Variants in SERGEF observed in about 807,000 individuals in gnomAD.
SERGEF encodes the protein secretion-regulating guanine nucleotide exchange factor.
In SERGEF, 51 loss-of-function variants were observed where a neutral mutation model predicts 50.0. The observed-to-expected ratio is 1.02, with a 90% confidence interval of 0.81 to 1.29. The LOEUF is 1.29. Among genes scored for constraint, SERGEF ranks in the 50% most tolerant of loss-of-function variants. SERGEF has a pLI of 0.00. For synonymous variants in SERGEF, 205 were observed against 212.4 expected (o/e 0.97, Z 0.30); for missense variants, 521 against 557.0 (o/e 0.94, Z 0.65).
At chr11:17,792,350 C>T (rs1156426356) in intron 10 of SERGEF, among the ~76,000 whole-genome samples, 3 of 152,200 alleles carry the variant, frequency 2.0e-5, no homozygotes, top group African/African-American at 4.8e-5. Context: ...GGTACCTTTG[C>T]GCCTAGTTCG....
chr11:17,997,948 G>A (rs373273790), intron 5 of SERGEF, among the ~76,000 whole-genome samples: 4 of 152,172 alleles, frequency 2.6e-5, no homozygotes, highest in African/African-American at 9.6e-5. Context: ...TTCTGGAGAT[G>A]GATGGTGGTG....
At chr11:17,906,606 T>C (rs1851845948) in intron 9 of SERGEF, among the ~76,000 whole-genome samples, 1 of 152,190 alleles carries the variant, frequency 6.6e-6, no homozygotes, top group Admixed American at 6.5e-5. Context: ...CTGCAGCCTC[T>C]GCAGGTACAG....
chr11:17,824,083 C>T (rs1432000461), intron 10 of SERGEF, among the ~76,000 whole-genome samples: 2 of 152,128 alleles, frequency 1.3e-5, no homozygotes, highest in Non-Finnish European at 2.9e-5. Context: ...GGGCGGATCA[C>T]GACATCAGGA....
intron 9 of SERGEF, among the ~76,000 whole-genome samples, chr11:17,901,263 T>C (rs1590186669): frequency 6.6e-6 from 1 of 152,312 alleles, no homozygotes; most frequent in East Asian, 1.9e-4. Context: ...TACTGGACAA[T>C]GGCAATAGTT....
chr11:17,811,390 T>C (rs1177657888), intron 10 of SERGEF, among the ~76,000 whole-genome samples: 1 of 152,184 alleles, frequency 6.6e-6, no homozygotes, highest in Non-Finnish European at 1.5e-5. Context: ...TTGTCAAAAC[T>C]CAATTGCTGA....
rs374953225 is a variant in SERGEF, at chr11:17,819,498, C to T, written c.1049-31085G>A. 5.9e-5 allele frequency among the ~76,000 whole-genome samples: 9 copies of T among 152,308 alleles called. No individual in the cohort carries two copies. In the East Asian group the frequency reaches 1.7e-3, roughly 29 times the overall value. ...TATTCTTCAGATAACAAAACAGAGGCTTGGAAAGCTAAAGTGCCTCATCTG... is the reference window on the plus strand; with the variant it reads ...TATTCTTCAGATAACAAAACAGAGGTTTGGAAAGCTAAAGTGCCTCATCTG... On this transcript the variant is annotated intron_variant, in intron 10 of 10. Coordinates refer to ENST00000265965, the MANE Select transcript of SERGEF (RefSeq NM_012139.4).
intron 10 of SERGEF, among the ~76,000 whole-genome samples, chr11:17,866,328 T>C (rs1427123522): frequency 6.6e-6 from 1 of 152,202 alleles, no homozygotes; most frequent in Non-Finnish European, 1.5e-5. Context: ...TGATCAGCCA[T>C]TGTGTTACAA....
Position 17,912,892 on chromosome 11 carries a change from T to C in SERGEF, c.1012-34648A>G, listed in dbSNP as rs116656746. On this transcript the variant is annotated intron_variant, in intron 9 of 10. Transcript: ENST00000265965. ...CTACTTTACCCTATCCTAGCCCCAGTTTTCTCATTAGTAAAATGGAGCAAT... is the reference window on the plus strand; with the variant it reads ...CTACTTTACCCTATCCTAGCCCCAGCTTTCTCATTAGTAAAATGGAGCAAT... 1.6e-3 allele frequency among the ~76,000 whole-genome samples: 246 copies of C among 152,320 alleles called. 1 individual carries two copies. The highest frequency in any genetic ancestry group is 5.8e-3 in the African/African-American group (240 of 41,578).
At chr11:17,868,771 C>T (rs951359547) in intron 10 of SERGEF, among the ~76,000 whole-genome samples, 2 of 152,168 alleles carry the variant, frequency 1.3e-5, no homozygotes, top group Non-Finnish European at 2.9e-5. Flanking sequence ...AGGAGAAAGT[C>T]ACATCTTACA....
At chr11:17,857,962 A>G (rs1339516362) in intron 10 of SERGEF, among the ~76,000 whole-genome samples, 1 of 152,234 alleles carries the variant, frequency 6.6e-6, no homozygotes, top group Non-Finnish European at 1.5e-5. Flanking sequence ...AGTTCAACAC[A>G]TTTCAGATGA....
At chr11:17,864,773 T>G (rs777836439) in intron 10 of SERGEF, among the ~76,000 whole-genome samples, 1 of 152,186 alleles carries the variant, frequency 6.6e-6, no homozygotes, top group Non-Finnish European at 1.5e-5. Flanking sequence ...GAAAGCCCCT[T>G]GAGAACCAGG....
chr11:17,898,650 C>A (rs776299606), intron 9 of SERGEF, among the ~76,000 whole-genome samples: 10 of 152,162 alleles, frequency 6.6e-5, no homozygotes, highest in Non-Finnish European at 1.5e-4. Context: ...TCCCCCAGAC[C>A]TCCTTTATAT....
At chr11:17,863,963 T>A (rs1565188941) in intron 10 of SERGEF, among the ~76,000 whole-genome samples, 1 of 152,234 alleles carries the variant, frequency 6.6e-6, no homozygotes, top group Non-Finnish European at 1.5e-5. Flanking sequence ...AATTGTCTAG[T>A]CCAGCTCCCA....
At chr11:17,868,875 A>T (rs1190014880) in intron 10 of SERGEF, among the ~76,000 whole-genome samples, 1 of 152,194 alleles carries the variant, frequency 6.6e-6, no homozygotes, top group African/African-American at 2.4e-5. Flanking sequence ...TCATGAGAAC[A>T]GCATGAGAAA....
At chr11:17,930,792 C>T (rs1327273503) in intron 9 of SERGEF, among the ~76,000 whole-genome samples, 1 of 152,110 alleles carries the variant, frequency 6.6e-6, no homozygotes, top group Non-Finnish European at 1.5e-5. Flanking sequence ...TCTCATTTCA[C>T]CATCTGTAAA....
chr11:17,995,804 C>G lies in SERGEF; in HGVS notation c.614G>C (p.Arg205Thr). The change falls in exon 6 of 11, where the codon AGA becomes ACA. Residue 205 changes from arginine to threonine, a missense_variant. Arg to Thr is a moderately conservative substitution (Grantham distance 71, BLOSUM62 -1). Coordinates refer to ENST00000265965, the MANE Select transcript of SERGEF (RefSeq NM_012139.4). ...PLFFTAKEPS[R>T]VTGLENSKAM... is the part of the protein sequence containing the mutation. ...AGAAAGAAGCATCTTACCTGTCACTCTGCTTGGTTCCTTTGCTGTGAAAAA... is the reference window on the plus strand; with the variant it reads ...AGAAAGAAGCATCTTACCTGTCACTGTGCTTGGTTCCTTTGCTGTGAAAAA... 3 of 1,610,812 alleles carry G rather than the reference C, an allele frequency of 1.9e-6. No individual in the cohort carries two copies. The highest frequency in any genetic ancestry group is 1.1e-5 in the South Asian group (1 of 90,934).
rs937352503 is a variant in SERGEF, at chr11:17,888,049, T to C, written c.1012-9805A>G. ...GATTCTCATATGAGCACAAACCCTA[T>C]TGTGAACTCCGCGTGGGAGGGATCT... On this transcript the variant is annotated intron_variant, in intron 9 of 10. Transcript: ENST00000265965. The surrounding 1 kb of genome is among the most constrained non-coding windows in gnomAD (Gnocchi z 4.1). Among the ~76,000 whole-genome samples, 4 of 152,246 alleles carry C rather than the reference T, an allele frequency of 2.6e-5. No individual in the cohort carries two copies. Among genetic ancestry groups the C allele is most frequent in the African/African-American group, 4.8e-5 (2 of 41,556 alleles).
intron 10 of SERGEF, among the ~76,000 whole-genome samples, chr11:17,790,182 T>C (rs1849457771): frequency 6.6e-6 from 1 of 152,198 alleles, no homozygotes; most frequent in Non-Finnish European, 1.5e-5. Context: ...CCCATTCTTG[T>C]CCCTCTATCC....
At chr11:17,838,003 T>C (rs1312475463) in intron 10 of SERGEF, among the ~76,000 whole-genome samples, 1 of 152,128 alleles carries the variant, frequency 6.6e-6, no homozygotes, top group Non-Finnish European at 1.5e-5. Flanking sequence ...CAGTCTTAGG[T>C]ATTCCTTGAT....
Sources: gnomAD v4.1 joint callset for allele counts (sites outside exome capture counted in the v4.1 genomes callset) on GRCh38, gnomAD v4.1.1 for gene constraint, Gnocchi (gnomAD v3.1) non-coding constraint, MANE v1.5 for transcripts, NCBI Gene and HGNC (gene_info 2026-07-23, HGNC 2026-07-21) for gene names.